The following ITGA5 variants were observed in gnomAD, a reference collection of about 807,000 sequenced individuals.
The protein encoded by ITGA5 is integrin alpha-5.
A neutral mutation model predicts 146.3 loss-of-function variants in ITGA5; 55 were observed. The observed-to-expected ratio is 0.38, with a 90% CI of 0.30 to 0.47. The LOEUF (loss-of-function observed/expected upper bound fraction) is 0.47. Ranked by LOEUF, ITGA5 falls within the 20% of genes least tolerant of loss-of-function variation. The probability of loss-of-function intolerance (pLI) is 0.99; values close to 1 mark genes in which losing one functional copy is unlikely to be tolerated. For synonymous variants in ITGA5, 500 were observed against 531.8 expected (o/e 0.94, Z 0.82); for missense variants, 1,131 against 1,329.0 (o/e 0.85, Z 2.32).
At chr12:54,410,803 T>C (rs1467344307) in intron 2 of ITGA5, among the ~76,000 whole-genome samples, 1 of 152,060 alleles carries the variant, frequency 6.6e-6, no homozygotes, top group East Asian at 1.9e-4. Flanking sequence ...TTCAGCTCAC[T>C]GCAATCTCTG....
At position 54,398,610 on chromosome 12, in the gene ITGA5, TG is replaced by T; in HGVS notation, c.2929del (p.Gln977LysfsTer28). 1 of 1,611,268 alleles carries T rather than the reference TG, an allele frequency of 6.2e-7. No individual in the cohort carries two copies. The highest frequency in any genetic ancestry group is 8.5e-7 in the Non-Finnish European group (1 of 1,178,664). On this transcript the variant is annotated frameshift_variant, in exon 28 of 30. Transcript: ENST00000293379. LOFTEE classifies it high-confidence loss of function. Reference sequence around the variant, plus strand: ...CCCTAGACTCACCTGACGCTCTTTTTGGGGCAGCTGCCGAGGCAGGATTCGG... The same window carrying T: ...CCCTAGACTCACCTGACGCTCTTTTTGGGCAGCTGCCGAGGCAGGATTCGG... ...PYRILPRQLP[Q>X]KERQVATAVQ... is the part of the protein sequence containing the mutation.
intron 7 of ITGA5, 48 bp downstream of exon 7, chr12:54,408,062 G>A (rs1298989096): frequency 1.2e-6 from 2 of 1,610,804 alleles, no homozygotes; most frequent in Admixed American, 1.7e-5. Context: ...GGGGACAGGA[G>A]CACTTGAGGT....
rs1287479521 is a variant in ITGA5, at chr12:54,398,665, C to T, written c.2875G>A (p.Ala959Thr). 1.2e-6 allele frequency: 2 copies of T among 1,607,486 alleles called. No individual in the cohort carries two copies. Among genetic ancestry groups the T allele is most frequent in the Admixed American group, 1.7e-5 (1 of 58,708 alleles). Residue 959 changes from alanine (A) to threonine (T), a missense_variant, in exon 28 of 30, where the codon GCT (alanine) becomes ACT (threonine). By Grantham distance (58) the Ala-to-Thr change is moderately conservative (BLOSUM62 0). This residue lies in a region of ITGA5 where 889 missense variants were observed against 1,021.5 expected (regional missense o/e 0.87). Coordinates refer to ENST00000293379, the MANE Select transcript of ITGA5 (RefSeq NM_002205.5). ...EHQPFSLQCE[A>T]VYKALKMPYR... Reference sequence around the variant, plus strand: ...GGCATCTTCAGGGCTTTGTACACAGCCTCACACTGCAGGCTAAATGGCTGG... The same window carrying T: ...GGCATCTTCAGGGCTTTGTACACAGTCTCACACTGCAGGCTAAATGGCTGG...
At position 54,396,360 on chromosome 12, in the gene ITGA5, C is replaced by G. The variant is rs372996288; in HGVS notation, c.3083G>C (p.Arg1028Pro). The G allele has an allele frequency of 5.6e-6, 9 of 1,613,554 alleles. No individual in the cohort carries two copies. The highest frequency in any genetic ancestry group is 1.6e-4 in the Middle Eastern group (1 of 6,076). Residue 1028 changes from arginine (R) to proline (P), a missense_variant, in exon 30 of 30, where the codon CGC (arginine) becomes CCC (proline). Physicochemically the swap from Arg to Pro is moderately radical, Grantham distance 103 (BLOSUM62 -2). Coordinates refer to ENST00000293379, the MANE Select transcript of ITGA5 (RefSeq NM_002205.5). ...CATGGCGGTGCCATATGGGAGGGAG[C>G]GTTTGAAGAATCCAAGCTGATAAAG... ...YILYKLGFFK[R>P]SLPYGTAMEK...
rs1956005530 is a variant in ITGA5, at chr12:54,416,149, A to G, written c.218+2832T>C. ...TACAGATGTGATCTCAGCTCACTGC[A>G]ATCTCTGCCTCCCAGGTTCAAGGGA... On this transcript the variant is annotated intron_variant, in intron 1 of 29. Transcript: ENST00000293379. This position sits in a 1 kb window ranked among gnomAD's most constrained non-coding sequence, Gnocchi z 4.1. Among the ~76,000 whole-genome samples the G allele has an allele frequency of 6.6e-6, 1 of 152,182 alleles. No homozygotes were observed. Among genetic ancestry groups the G allele is most frequent in the Non-Finnish European group, 1.5e-5 (1 of 68,034 alleles).
rs1353303437 is a variant in ITGA5 at position 54,405,864 on chromosome 12, C to A, written c.963+6G>T. On this transcript the variant is annotated splice_donor_region_variant and intron_variant, in intron 10 of 29. Coordinates refer to ENST00000293379, the MANE Select transcript of ITGA5 (RefSeq NM_002205.5). The stretch of plus-strand genomic sequence containing the variant: ...AAGCTGGGGTGGGGTTGAGGGGTAT[C>A]CTTACCTGTTCCCCTGAGAAGTTGT... 1 of 1,613,556 alleles carries A rather than the reference C, an allele frequency of 6.2e-7. No individual in the cohort carries two copies. The highest frequency in any genetic ancestry group is 1.3e-5 in the African/African-American group (1 of 75,012).
chr12:54,404,961 G>C, intron 12 of ITGA5, 67 bp from the exon 13 acceptor site: 1 of 1,333,512 alleles, frequency 7.5e-7, no homozygotes, highest in Non-Finnish European at 1.0e-6. Context: ...TCTACTACCA[G>C]ACCCCAGGAC....
chr12:54,404,914 C>A lies in ITGA5; in HGVS notation c.1226-20G>T. 1.3e-6 allele frequency: 2 copies of A among 1,525,280 alleles called. No homozygotes were observed. Among genetic ancestry groups the A allele is most frequent in the South Asian group, 2.6e-5 (2 of 76,930 alleles). 94.5% of individuals were successfully genotyped at this position (1,525,280 alleles called of 1,614,324 possible). A position where few individuals can be genotyped will look rare whatever the true frequency, so the allele number is the denominator to read the frequency against. ...CCACATCTGGAAGACACAGAACACA[C>A]ACTAGTCAGCAGGCCAGGAATCCAT... On this transcript the variant is annotated intron_variant, in intron 12 of 29. Coordinates refer to ENST00000293379, the MANE Select transcript of ITGA5 (RefSeq NM_002205.5).
rs758324571 is a variant in ITGA5 at position 54,400,988 on chromosome 12, T to C, written c.2501A>G (p.Asn834Ser). The C allele has an allele frequency of 6.2e-7, 1 of 1,613,556 alleles. No homozygotes were observed. Among genetic ancestry groups the C allele is most frequent in the Non-Finnish European group, 8.5e-7 (1 of 1,179,864 alleles). Residue 834 changes from asparagine (N) to serine (S), a missense_variant, in exon 25 of 30, where the codon AAC becomes AGC. Around this residue, in one of 3 missense-constraint regions of ITGA5, gnomAD observed 889 missense variants for 1,021.5 expected, o/e 0.87. Coordinates refer to ENST00000293379, the MANE Select transcript of ITGA5 (RefSeq NM_002205.5). ...CTGGCTAATGGAGCTGGGGCCTTGG[T>C]TGATGAGCTGAGGAGGGAAGAGCAC... ...PAVHHVYELINQGPSSISQGV... is the reference protein window; with the variant it reads ...PAVHHVYELISQGPSSISQGV...
chr12:54,415,351 C>T, intron 1 of ITGA5, among the ~76,000 whole-genome samples: 1 of 152,108 alleles, frequency 6.6e-6, no homozygotes, highest in East Asian at 1.9e-4. Context: ...AGAGAGCATC[C>T]ACTGGTTTTA....
At position 54,409,498 on chromosome 12, in the gene ITGA5, C is replaced by T. The variant is rs776309549; in HGVS notation, c.449G>A (p.Gly150Asp). Residue 150 changes from glycine to aspartate, a missense_variant, in exon 3 of 30, where the codon GGC (glycine) becomes GAC (aspartate). Gly to Asp is a moderately conservative substitution (Grantham distance 94, BLOSUM62 -1). Around this residue, in one of 3 missense-constraint regions of ITGA5, gnomAD observed 67 missense variants for 128.2 expected, o/e 0.52. Coordinates refer to ENST00000293379, the MANE Select transcript of ITGA5 (RefSeq NM_002205.5). This position sits in a 1 kb window ranked among gnomAD's most constrained non-coding sequence, Gnocchi z 4.7. ...CTGGCCCCTCACCAAGATGGAGGAG[C>T]CATGGGCTCGAACTGTTGCCCCGAA... ...QWFGATVRAH[G>D]SSILACAPLY... is the part of the protein sequence containing the mutation. The T allele has an allele frequency of 6.2e-7, 1 of 1,613,644 alleles. No individual in the cohort carries two copies. Among genetic ancestry groups the T allele is most frequent in the South Asian group, 1.1e-5 (1 of 91,078 alleles).
Position 54,404,478 on chromosome 12 carries a change from G to A in ITGA5, c.1418-3C>T. On this transcript the variant is annotated splice_region_variant and splice_polypyrimidine_tract_variant and intron_variant, in intron 13 of 29. Transcript: ENST00000293379. ...ACCAAAGGACCCCACAATCAGATCTGTAAGAAGTCAAGAAATCACCTCTTA... is the reference window on the plus strand; with the variant it reads ...ACCAAAGGACCCCACAATCAGATCTATAAGAAGTCAAGAAATCACCTCTTA... 1 of 1,614,118 alleles carries A rather than the reference G, an allele frequency of 6.2e-7. No individual in the cohort carries two copies. The highest frequency in any genetic ancestry group is 8.5e-7 in the Non-Finnish European group (1 of 1,179,962).
chr12:54,411,968 T>C lies in ITGA5; in HGVS notation c.219-4A>G, dbSNP rs770222888. The C allele has an allele frequency of 2.5e-6, 4 of 1,579,128 alleles. No homozygotes were observed. The highest frequency in any genetic ancestry group is 2.3e-5 in the South Asian group (2 of 86,474). On this transcript the variant is annotated splice_polypyrimidine_tract_variant and splice_region_variant and intron_variant, in intron 1 of 29. Transcript: ENST00000293379. ...TGCTCCCACCAGCACACTGACCCTG[T>C]GGGGGGGAAAAGCGAGGCAGTTGAG...
At chr12:54,400,381 CCTT>C in intron 25 of ITGA5, 1 of 198,928 alleles carries the variant, frequency 5.0e-6, no homozygotes, top group South Asian at 9.7e-5. Context: ...TAATTTTTCT[CCTT>C]CTCTTTTTCT....
chr12:54,415,305 T>G (rs918182264), intron 1 of ITGA5, among the ~76,000 whole-genome samples: 3 of 152,238 alleles, frequency 2.0e-5, no homozygotes, highest in African/African-American at 7.2e-5. Context: ...GGGTTGGTCC[T>G]TGGAGACACA....
chr12:54,409,639 A>T lies in ITGA5; in HGVS notation c.350-42T>A. On this transcript the variant is annotated intron_variant, in intron 2 of 29. Coordinates refer to ENST00000293379, the MANE Select transcript of ITGA5 (RefSeq NM_002205.5). This position sits in a 1 kb window ranked among gnomAD's most constrained non-coding sequence, Gnocchi z 4.7. ...GGGGGAGTCTTACTGAGCCATGGAC[A>T]TTTGAGCTCTAGGGCAGCCCCTACC... 1.4e-6 allele frequency: 2 copies of T among 1,405,784 alleles called. No individual in the cohort carries two copies. Among genetic ancestry groups the T allele is most frequent in the South Asian group, 2.3e-5 (2 of 85,374 alleles). 87.1% of individuals were successfully genotyped at this position (1,405,784 alleles called of 1,614,324 possible). A position where few individuals can be genotyped will look rare whatever the true frequency, so the allele number is the denominator to read the frequency against.
chr12:54,409,028 A>G lies in ITGA5; in HGVS notation c.584-74T>C, dbSNP rs767497273. On this transcript the variant is annotated intron_variant, in intron 4 of 29. Transcript: ENST00000293379. The surrounding 1 kb of genome is among the most constrained non-coding windows in gnomAD (Gnocchi z 4.7). ...CCAGGAAAGAAGAGAGGGCATAGGG[A>G]AGGAGGTGGGAGAGAGAACCAGAGA... 3.1e-5 allele frequency: 46 copies of G among 1,502,024 alleles called. No homozygotes were observed. Among genetic ancestry groups the G allele is most frequent in the Non-Finnish European group, 4.2e-5 (46 of 1,083,016 alleles). The allele number at this position is 1,502,024 out of a possible 1,614,324, so 93.0% of individuals were successfully genotyped here.
rs369205279 is a variant in ITGA5, at chr12:54,397,390, C to G, written c.3041G>C (p.Gly1014Ala). Residue 1014 changes from glycine to alanine, a missense_variant, in exon 29 of 30, where the codon GGT becomes GCT. Gly to Ala is a moderately conservative substitution (Grantham distance 60, BLOSUM62 0). Coordinates refer to ENST00000293379, the MANE Select transcript of ITGA5 (RefSeq NM_002205.5). ...LAILFGLLLL[G>A]LLIYILYKLG... ...CTTGTAGAGGATGTAGATGAGTAGACCTAGGAGCAGGAGGCCAAACAGGAT... is the reference window on the plus strand; with the variant it reads ...CTTGTAGAGGATGTAGATGAGTAGAGCTAGGAGCAGGAGGCCAAACAGGAT... The G allele has an allele frequency of 1.1e-5, 17 of 1,613,896 alleles. No homozygotes were observed. Among genetic ancestry groups the G allele is most frequent in the Non-Finnish European group, 1.4e-5 (17 of 1,180,002 alleles).
chr12:54,404,554 C>T lies in ITGA5; in HGVS notation c.1418-79G>A, dbSNP rs527820930. 11 of 1,561,674 alleles carry T rather than the reference C, an allele frequency of 7.0e-6. No homozygotes were observed. In the African/African-American group the frequency reaches 1.5e-4, roughly 21 times the overall value. On this transcript the variant is annotated intron_variant, in intron 13 of 29. Coordinates refer to ENST00000293379, the MANE Select transcript of ITGA5 (RefSeq NM_002205.5). ...TCTTCCTAACCCCTCCTGGTTTCAA[C>T]GCTCAGGGAGGTTGAAGTGAGAAGA...
Sources: allele counts gnomAD v4.1 joint callset (sites outside exome capture counted in the v4.1 genomes callset), GRCh38; gene constraint gnomAD v4.1.1; regional missense constraint gnomAD v4.1.1; non-coding constraint Gnocchi (gnomAD v3.1); transcripts MANE v1.5; gene names NCBI Gene and HGNC (gene_info 2026-07-23, HGNC 2026-07-21).